TBC1D9: variants seen among roughly 807,000 people sequenced by gnomAD.
TBC1D9 encodes the protein TBC1 domain family member 9A.
Under a neutral mutation model 132.0 loss-of-function variants are expected in TBC1D9, and 63 were observed. The ratio of observed to expected loss-of-function variants is 0.48; its 90% confidence interval spans 0.39 to 0.59. TBC1D9 has a LOEUF of 0.59. TBC1D9 is among the 20% of genes least tolerant of loss of function. TBC1D9 has a pLI of 0.00. For missense variants in TBC1D9, 1,261 were observed against 1,592.7 expected (o/e 0.79, Z 3.54); for synonymous variants, 610 against 609.9 (o/e 1.00, Z 0.00).
chr4:140,669,581 T>A (rs1016674276), intron 8 of TBC1D9, 53 bp downstream of exon 8: 10 of 1,545,482 alleles, frequency 6.5e-6, no homozygotes, highest in Non-Finnish European at 8.8e-6. Context: ...AAAATATTGT[T>A]AATGGCATTG....
chr4:140,711,061 C>T (rs186573428), intron 1 of TBC1D9, among the ~76,000 whole-genome samples: 35 of 152,248 alleles, frequency 2.3e-4, no homozygotes, highest in African/African-American at 6.7e-4. Context: ...TGCTCTGATA[C>T]GGACCAGTGA....
chr4:140,693,878 C>T (rs2111032572), intron 2 of TBC1D9, among the ~76,000 whole-genome samples: 1 of 152,278 alleles, frequency 6.6e-6, no homozygotes, highest in Admixed American at 6.5e-5. Context: ...TAATAATATG[C>T]TCACAGCTTT....
Position 140,754,507 on chromosome 4 carries a change from C to T in TBC1D9, c.130+1409G>A, listed in dbSNP as rs764637918. On this transcript the variant is annotated intron_variant, in intron 1 of 20. Coordinates refer to ENST00000442267, the MANE Select transcript of TBC1D9 (RefSeq NM_015130.3). ...GTGCATGCCTGTAGTCCCAGCTACT[C>T]AGGAGGCTGAGGCAGGAGAATCACT... 7.4e-4 allele frequency among the ~76,000 whole-genome samples: 110 copies of T among 147,908 alleles called. 1 individual carries two copies. The highest frequency in any genetic ancestry group is 1.0e-3 in the Non-Finnish European group (68 of 67,546).
chr4:140,732,456 A>C (rs1738608816), intron 1 of TBC1D9, among the ~76,000 whole-genome samples: 1 of 152,224 alleles, frequency 6.6e-6, no homozygotes, highest in Admixed American at 6.5e-5. Context: ...TCTCAAATAT[A>C]ATTACAAGAA....
chr4:140,696,689 CTA>C (rs1172752434), intron 2 of TBC1D9, among the ~76,000 whole-genome samples: 1 of 152,080 alleles, frequency 6.6e-6, no homozygotes, highest in Non-Finnish European at 1.5e-5. Flanking sequence ...TACTACTGCT[CTA>C]TGTGGTCTAT....
chr4:140,669,769 G>A lies in TBC1D9; in HGVS notation c.1302C>T (p.Ser434=), dbSNP rs776324587. ...YSRPSSLVSS[S]PQRSTSSDAD... ...CATCAGAGCTCGTGCTTCTCTGGGG[G>A]CTGGAGGAGACGAGGCTGCTGGGTC... Residue 434 remains serine (S), a synonymous_variant, in exon 8 of 21, where the codon AGC becomes AGT. Transcript: ENST00000442267. 7 of 1,613,796 alleles carry A rather than the reference G, an allele frequency of 4.3e-6. No homozygotes were observed. The highest frequency in any genetic ancestry group is 5.9e-6 in the Non-Finnish European group (7 of 1,179,828).
At chr4:140,628,388 T>C in intron 16 of TBC1D9, 23 bp from the exon 17 acceptor site, 1 of 1,604,052 alleles carries the variant, frequency 6.2e-7, no homozygotes, top group South Asian at 1.1e-5. Flanking sequence ...TAAGTACCAA[T>C]GTGAAATGCA....
In TBC1D9 at chr4:140,620,840, T is replaced by C. The variant is rs1736600901; in HGVS notation, c.*1355A>G. On this transcript the variant is annotated 3_prime_UTR_variant, in exon 21 of 21. Coordinates refer to ENST00000442267, the MANE Select transcript of TBC1D9 (RefSeq NM_015130.3). ...TTAGCCTATTTGAGGTTAACACTAC[T>C]TCATTTGACAGTTTAAAAATCATCC... is the stretch of plus-strand genomic sequence containing the variant. 2 of 152,644 alleles carry C rather than the reference T, an allele frequency of 1.3e-5. No individual in the cohort carries two copies. The highest frequency in any genetic ancestry group is 1.3e-4 in the Admixed American group (2 of 15,280). 9.5% of individuals were successfully genotyped at this position (152,644 alleles called of 1,614,324 possible).
At chr4:140,716,653 A>G (rs1278069486) in intron 1 of TBC1D9, among the ~76,000 whole-genome samples, 3 of 152,210 alleles carry the variant, frequency 2.0e-5, no homozygotes, top group African/African-American at 2.4e-5. Flanking sequence ...ACAGAGGGGT[A>G]GGATACCAAC....
intron 1 of TBC1D9, among the ~76,000 whole-genome samples, chr4:140,748,786 C>T (rs888634623): frequency 1.3e-5 from 2 of 152,170 alleles, no homozygotes; most frequent in East Asian, 1.9e-4. Context: ...AGCAGGTCCT[C>T]GCTAAAGGAA....
intron 13 of TBC1D9, among the ~76,000 whole-genome samples, chr4:140,646,201 G>T (rs565761348): frequency 3.3e-5 from 5 of 152,284 alleles, no homozygotes; most frequent in Admixed American, 3.3e-4. Flanking sequence ...CAGAGACAAA[G>T]AAATCGTAGT....
At chr4:140,720,094 T>C (rs149651264) in intron 1 of TBC1D9, among the ~76,000 whole-genome samples, 1 of 152,144 alleles carries the variant, frequency 6.6e-6, no homozygotes. Flanking sequence ...TGGCACTTGG[T>C]AGGTGTTCAA....
Position 140,622,231 on chromosome 4 carries a change from C to G in TBC1D9, c.3765G>C (p.Ser1255=). The change falls in exon 21 of 21, where the codon TCG becomes TCC. Residue 1255 remains serine, a synonymous_variant. Transcript: ENST00000442267. ...NIRMMGKPLT[S]ASDYEISAMS... is the part of the protein sequence containing the mutation. Reference sequence around the variant, plus strand: ...TGGCCGAGATTTCATAGTCACTGGCCGAGGTGAGGGGCTTGCCCATCATCC... The same window carrying G: ...TGGCCGAGATTTCATAGTCACTGGCGGAGGTGAGGGGCTTGCCCATCATCC... 1 of 1,592,602 alleles carries G rather than the reference C, an allele frequency of 6.3e-7. No individual in the cohort carries two copies. Among genetic ancestry groups the G allele is most frequent in the Non-Finnish European group, 8.6e-7 (1 of 1,162,252 alleles).
chr4:140,746,531 C>A (rs533859479), intron 1 of TBC1D9, among the ~76,000 whole-genome samples: 2 of 152,200 alleles, frequency 1.3e-5, no homozygotes, highest in South Asian at 4.2e-4. Context: ...AAAGACATAT[C>A]TGAGAGGGGG....
chr4:140,630,491 C>T (rs1736778057), intron 16 of TBC1D9, among the ~76,000 whole-genome samples: 2 of 152,146 alleles, frequency 1.3e-5, no homozygotes, highest in African/African-American at 2.4e-5. Context: ...GCTTCTCATT[C>T]CCCTGCCCTT....
intron 1 of TBC1D9, among the ~76,000 whole-genome samples, chr4:140,718,350 C>G (rs1386349831): frequency 6.6e-6 from 1 of 151,162 alleles, no homozygotes; most frequent in Admixed American, 6.6e-5. Flanking sequence ...TTTATTAAGA[C>G]AGAACAATCC....
intron 1 of TBC1D9, among the ~76,000 whole-genome samples, chr4:140,748,274 TA>T (rs1233113419): frequency 1.8e-4 from 28 of 152,148 alleles, no homozygotes; most frequent in African/African-American, 6.8e-4. Flanking sequence ...TAAATATAGT[TA>T]AGGAGATAGT....
intron 13 of TBC1D9, among the ~76,000 whole-genome samples, chr4:140,648,932 C>T (rs772233014): frequency 3.3e-5 from 5 of 152,188 alleles, no homozygotes; most frequent in Non-Finnish European, 5.9e-5. Flanking sequence ...CACCATCATT[C>T]CTGAGCGGAA....
Position 140,738,863 on chromosome 4 carries a change from T to C in TBC1D9, c.130+17053A>G, listed in dbSNP as rs1458481537. ...GAAAACTTTTTTGAGAAAATCCACA[T>C]AGTTTTCACACTTCCCCCTGGCATA... On this transcript the variant is annotated intron_variant, in intron 1 of 20. Transcript: ENST00000442267. Among the ~76,000 whole-genome samples, 3 of 152,142 alleles carry C rather than the reference T, an allele frequency of 2.0e-5. No individual in the cohort carries two copies. The East Asian group carries it at 5.8e-4, about 29-fold the overall frequency.
Sources: gnomAD v4.1 joint callset for allele counts (sites outside exome capture counted in the v4.1 genomes callset) on GRCh38, gnomAD v4.1.1 for gene constraint, MANE v1.5 for transcripts, NCBI Gene and HGNC (gene_info 2026-07-23, HGNC 2026-07-21) for gene names.